The following COL5A2 variants were observed in gnomAD, a reference collection of about 807,000 sequenced individuals.
The protein encoded by COL5A2 is collagen type V alpha 2 chain.
COL5A2 carries 23 observed loss-of-function variants against 208.2 expected under a neutral mutation model. The observed-to-expected ratio is 0.11, with a 90% CI of 0.08 to 0.16. The LOEUF is 0.16. Ranked by LOEUF, COL5A2 falls within the 10% of genes least tolerant of loss-of-function variation. COL5A2 has a pLI of 1.00. For synonymous variants in COL5A2, 625 were observed against 628.5 expected, an observed-to-expected ratio of 0.99 and a Z score of 0.08; for missense variants, 1,590 against 1,956.4, an observed-to-expected ratio of 0.81 and a Z score of 3.53.
intron 1 of COL5A2, among the ~76,000 whole-genome samples, chr2:189,203,926 C>A (rs1395492267): frequency 1.3e-5 from 2 of 150,786 alleles, no homozygotes; most frequent in African/African-American, 2.4e-5. Context: ...GAGACGGAGT[C>A]TCGCTCTGTC....
chr2:189,041,912 G>A (rs1231443945), intron 49 of COL5A2, among the ~76,000 whole-genome samples: 1 of 152,184 alleles, frequency 6.6e-6, no homozygotes, highest in African/African-American at 2.4e-5. Context: ...ACAAATATGA[G>A]TTTACATCTT....
the COL5A2 span, among the ~76,000 whole-genome samples, chr2:189,273,650 C>G: frequency 2.0e-5 from 3 of 152,054 alleles, no homozygotes; most frequent in Non-Finnish European, 4.4e-5. Flanking sequence ...GGTATATATA[C>G]ACAATGGAAT....
At chr2:189,222,045 C>T (rs1689353004) in intron 1 of COL5A2, among the ~76,000 whole-genome samples, 1 of 152,062 alleles carries the variant, frequency 6.6e-6, no homozygotes, top group African/African-American at 2.4e-5. Context: ...AATTATAGGG[C>T]ATTACTAGAA....
At chr2:189,090,080 T>A (rs1686751301) in intron 7 of COL5A2, among the ~76,000 whole-genome samples, 1 of 152,202 alleles carries the variant, frequency 6.6e-6, no homozygotes, top group Admixed American at 6.5e-5. Flanking sequence ...AAGCTAGACC[T>A]CTTGCAGCAA....
chr2:189,157,251 G>A (rs976069798), intron 1 of COL5A2, among the ~76,000 whole-genome samples: 1 of 151,474 alleles, frequency 6.6e-6, no homozygotes. Context: ...CATTAAAAAT[G>A]AAAGTTGTAT....
chr2:189,034,912 T>A lies in COL5A2; in HGVS notation c.4353+4A>T. ...CAGATCAATGTAGATCAAAAAGTAC[T>A]TACAGAGCAAGTGTCTTGAAGAACG... On this transcript the variant is annotated splice_donor_region_variant and intron_variant, in intron 53 of 53. Transcript: ENST00000374866. 6.2e-7 allele frequency: 1 copy of A among 1,613,864 alleles called. No individual in the cohort carries two copies. Among genetic ancestry groups the A allele is most frequent in the Non-Finnish European group, 8.5e-7 (1 of 1,179,832 alleles).
intron 1 of COL5A2, among the ~76,000 whole-genome samples, chr2:189,155,818 C>G (rs1467922445): frequency 6.6e-6 from 1 of 152,162 alleles, no homozygotes; most frequent in Non-Finnish European, 1.5e-5. Flanking sequence ...ATGGGTTTCA[C>G]TGGGCTAACA....
intron 1 of COL5A2, among the ~76,000 whole-genome samples, chr2:189,147,837 A>G (rs949499993): frequency 6.6e-6 from 1 of 152,070 alleles, no homozygotes. Flanking sequence ...CAAAGTCCCA[A>G]GGGTAAGGAA....
chr2:189,342,681 A>AC, the COL5A2 span, among the ~76,000 whole-genome samples: 5 of 139,602 alleles, frequency 3.6e-5, no homozygotes, highest in African/African-American at 1.3e-4. Flanking sequence ...ACACACACAC[A>AC]ATAAATATGT....
the COL5A2 span, among the ~76,000 whole-genome samples, chr2:189,274,363 G>T: frequency 3.9e-5 from 6 of 152,254 alleles, no homozygotes; most frequent in South Asian, 1.2e-3. Flanking sequence ...GTCTGAGGGG[G>T]TCACATCACA....
chr2:189,113,272 T>C (rs2105718691), intron 1 of COL5A2, among the ~76,000 whole-genome samples: 1 of 152,136 alleles, frequency 6.6e-6, no homozygotes, highest in Admixed American at 6.5e-5. Context: ...TCTGCAAAAA[T>C]TTTAAAGTTA....
intron 33 of COL5A2, among the ~76,000 whole-genome samples, chr2:189,058,024 A>G (rs536555508): frequency 1.3e-5 from 2 of 152,310 alleles, no homozygotes; most frequent in East Asian, 3.9e-4. Flanking sequence ...CCATATTTTC[A>G]CATATGTAGT....
At chr2:189,057,095 A>G (rs1576498004) in intron 34 of COL5A2, 69 bp from the exon 35 acceptor site, 6 of 1,512,228 alleles carry the variant, frequency 4.0e-6, no homozygotes, top group South Asian at 1.1e-5. Flanking sequence ...TGTAAGTTTC[A>G]TGAGAGTGAA....
At chr2:189,154,904 A>C (rs1346748304) in intron 1 of COL5A2, among the ~76,000 whole-genome samples, 1 of 152,244 alleles carries the variant, frequency 6.6e-6, no homozygotes, top group Admixed American at 6.5e-5. Flanking sequence ...TGCTTGACGA[A>C]TGAATGAATA....
intron 1 of COL5A2, among the ~76,000 whole-genome samples, chr2:189,218,276 T>C (rs983272296): frequency 6.6e-6 from 1 of 152,174 alleles, no homozygotes; most frequent in African/African-American, 2.4e-5. Context: ...CAAATGTAGC[T>C]AGTTAAGGCC....
chr2:189,333,012 G>A, the COL5A2 span, among the ~76,000 whole-genome samples: 5 of 152,042 alleles, frequency 3.3e-5, no homozygotes, highest in Non-Finnish European at 7.4e-5. Context: ...TATTTTAAGT[G>A]GAATAATAAT....
intron 3 of COL5A2, among the ~76,000 whole-genome samples, chr2:189,101,855 G>C (rs1040032794): frequency 6.6e-6 from 1 of 151,918 alleles, no homozygotes; most frequent in Non-Finnish European, 1.5e-5. Flanking sequence ...AAACACTAGG[G>C]ACTAATAGCC....
At chr2:189,141,728 C>T (rs943203938) in intron 1 of COL5A2, among the ~76,000 whole-genome samples, 29 of 152,146 alleles carry the variant, frequency 1.9e-4, no homozygotes, top group Non-Finnish European at 1.5e-5. Flanking sequence ...CTTCTAGATT[C>T]TTAAGGTGTA....
the COL5A2 span, among the ~76,000 whole-genome samples, chr2:189,247,663 T>G: frequency 2.0e-5 from 3 of 150,674 alleles, no homozygotes; most frequent in African/African-American, 7.3e-5. Flanking sequence ...CACTGCAACC[T>G]CCACCTCCTG....
Sources: gnomAD v4.1 joint callset for allele counts (sites outside exome capture counted in the v4.1 genomes callset) on GRCh38, gnomAD v4.1.1 for gene constraint, MANE v1.5 for transcripts, NCBI Gene and HGNC (gene_info 2026-07-23, HGNC 2026-07-21) for gene names.